Variants in CNBD1 observed in about 807,000 individuals in gnomAD.
CNBD1 encodes the protein cyclic nucleotide binding domain containing 1, also known as cyclic nucleotide-binding domain-containing protein 1.
A neutral mutation model predicts 54.4 loss-of-function variants in CNBD1; 71 were observed. The ratio of observed to expected loss-of-function variants is 1.30; its 90% confidence interval spans 1.08 to 1.59. The LOEUF (loss-of-function observed/expected upper bound fraction) is 1.59, where lower values mean the gene tolerates loss of function less well. CNBD1 is among the 40% of genes most tolerant of loss of function. The pLI, the probability that CNBD1 is intolerant of heterozygous loss-of-function variation, is 0.00. For missense variants in CNBD1, 659 were observed against 518.0 expected (o/e 1.27, Z -2.64); for synonymous variants, 182 against 170.7 (o/e 1.07, Z -0.51).
At chr8:87,090,717 A>G (rs977373895) in intron 4 of CNBD1, among the ~76,000 whole-genome samples, 2 of 152,236 alleles carry the variant, frequency 1.3e-5, no homozygotes, top group African/African-American at 4.8e-5. Context: ...GGTAATTTAA[A>G]CAATTAGATT....
chr8:87,095,914 T>C (rs2130686338), intron 4 of CNBD1, among the ~76,000 whole-genome samples: 1 of 152,312 alleles, frequency 6.6e-6, no homozygotes, highest in Non-Finnish European at 1.5e-5. Context: ...CGCCTTGGCC[T>C]CCCAAAATGT....
intron 4 of CNBD1, among the ~76,000 whole-genome samples, chr8:86,947,780 C>T (rs1168995909): frequency 6.6e-6 from 1 of 152,184 alleles, no homozygotes; most frequent in South Asian, 2.1e-4. Context: ...CAATTATACT[C>T]TTTTAGTTAT....
chr8:87,388,498 T>A (rs1811238447), intron 2 of CNBD1, among the ~76,000 whole-genome samples: 1 of 152,150 alleles, frequency 6.6e-6, no homozygotes, highest in Admixed American at 6.5e-5. Context: ...CTAGAAAATC[T>A]AGAAGAAATG....
chr8:87,414,393 G>A (rs1174219326), intron 2 of CNBD1, among the ~76,000 whole-genome samples: 1 of 151,844 alleles, frequency 6.6e-6, no homozygotes, highest in East Asian at 1.9e-4. Context: ...GAGGTGGGAG[G>A]GATAGCATTA....
At chr8:87,403,241 A>C (rs1273865604) in intron 2 of CNBD1, among the ~76,000 whole-genome samples, 1 of 152,034 alleles carries the variant, frequency 6.6e-6, no homozygotes, top group Non-Finnish European at 1.5e-5. Flanking sequence ...GCTGGTGAGC[A>C]AGAGGTTGGG....
At chr8:87,186,272 A>C (rs1813473883) in intron 4 of CNBD1, among the ~76,000 whole-genome samples, 1 of 152,096 alleles carries the variant, frequency 6.6e-6, no homozygotes, top group East Asian at 1.9e-4. Context: ...ATTCTACTAA[A>C]GTTTTTCTTC....
intron 2 of CNBD1, among the ~76,000 whole-genome samples, chr8:87,424,218 A>G (rs1330962913): frequency 6.6e-6 from 1 of 151,926 alleles, no homozygotes; most frequent in Non-Finnish European, 1.5e-5. Context: ...GATCCTTTCA[A>G]AATACCAGCT....
At chr8:87,302,498 A>C (rs942874334) in intron 8 of CNBD1, among the ~76,000 whole-genome samples, 1 of 152,002 alleles carries the variant, frequency 6.6e-6, no homozygotes, top group African/African-American at 2.4e-5. Flanking sequence ...TCAAAATAAT[A>C]AGAGCTATTT....
intron 6 of CNBD1, among the ~76,000 whole-genome samples, chr8:87,267,052 T>G (rs1808272994): frequency 6.6e-6 from 1 of 152,118 alleles, no homozygotes; most frequent in Admixed American, 6.6e-5. Context: ...TCCAGAGATA[T>G]TCTAAGTAAA....
chr8:86,962,612 C>A (rs1444989286), intron 4 of CNBD1, among the ~76,000 whole-genome samples: 1 of 151,922 alleles, frequency 6.6e-6, no homozygotes, highest in Non-Finnish European at 1.5e-5. Context: ...GGTGAAACAC[C>A]GTCTCTACTA....
intron 2 of CNBD1, among the ~76,000 whole-genome samples, chr8:87,418,609 T>C (rs892671123): frequency 6.6e-6 from 1 of 152,066 alleles, no homozygotes; most frequent in African/African-American, 2.4e-5. Context: ...ACAAATCACA[T>C]ATATGATTAG....
At chr8:87,286,741 G>T in intron 8 of CNBD1, 70 bp downstream of exon 8, 1 of 1,043,736 alleles carries the variant, frequency 9.6e-7, no homozygotes, top group South Asian at 1.5e-5. Context: ...ATTCTTCATA[G>T]TTGTAATATT....
chr8:87,362,428 A>G (rs1810540905), intron 10 of CNBD1, among the ~76,000 whole-genome samples: 1 of 152,088 alleles, frequency 6.6e-6, no homozygotes, highest in Non-Finnish European at 1.5e-5. Flanking sequence ...CAGACAGTCC[A>G]AGGCAACTTG....
intron 4 of CNBD1, among the ~76,000 whole-genome samples, chr8:87,188,354 G>T (rs192346678): frequency 1.8e-4 from 27 of 152,230 alleles, no homozygotes; most frequent in African/African-American, 6.5e-4. Flanking sequence ...CAAGGACAAG[G>T]TCTGTCTCTA....
chr8:87,205,225 G>C (rs1813946476), intron 4 of CNBD1, among the ~76,000 whole-genome samples: 1 of 152,064 alleles, frequency 6.6e-6, no homozygotes, highest in South Asian at 2.1e-4. Flanking sequence ...GTAGAGACAG[G>C]GTTTCACCAT....
chr8:87,234,030 C>A (rs904641334), intron 5 of CNBD1, among the ~76,000 whole-genome samples: 1 of 152,172 alleles, frequency 6.6e-6, no homozygotes, highest in African/African-American at 2.4e-5. Flanking sequence ...AAACCACTTT[C>A]TTTGTTCATC....
intron 4 of CNBD1, among the ~76,000 whole-genome samples, chr8:87,136,453 A>G (rs1274402436): frequency 6.9e-6 from 1 of 144,270 alleles, no homozygotes; most frequent in African/African-American, 2.6e-5. Flanking sequence ...TTTTATTAAT[A>G]GAATATGTGA....
intron 4 of CNBD1, among the ~76,000 whole-genome samples, chr8:87,109,032 C>G (rs1811602752): frequency 6.6e-6 from 1 of 151,996 alleles, no homozygotes; most frequent in African/African-American, 2.4e-5. Context: ...TTATTTTTAA[C>G]TGACTGAGAA....
chr8:87,241,431 T>C lies in CNBD1; in HGVS notation c.771+4319T>C, dbSNP rs374658280. 1.8e-3 allele frequency among the ~76,000 whole-genome samples: 276 copies of C among 151,882 alleles called. 2 individuals are homozygous for C. Among genetic ancestry groups the C allele is most frequent in the African/African-American group, 5.7e-3 (236 of 41,362 alleles). On this transcript the variant is annotated intron_variant, in intron 6 of 10. Transcript: ENST00000518476. Reference sequence around the variant, plus strand: ...GACTACAGGGGCCTGCCACCACGCCTGGCTAATTTTTTTTGTATTTTTAGT... The same window carrying C: ...GACTACAGGGGCCTGCCACCACGCCCGGCTAATTTTTTTTGTATTTTTAGT...
Sources: allele counts gnomAD v4.1 joint callset (sites outside exome capture counted in the v4.1 genomes callset), GRCh38; gene constraint gnomAD v4.1.1; transcripts MANE v1.5; gene names NCBI Gene and HGNC (gene_info 2026-07-23, HGNC 2026-07-21).